Variants in UNC5D observed in about 807,000 individuals in gnomAD.
UNC5D encodes the protein unc-5 netrin receptor D, also known as netrin receptor UNC5D.
UNC5D carries 39 observed loss-of-function variants against 105.4 expected under a neutral mutation model. That is an observed-to-expected ratio of 0.37 (90% confidence interval 0.29 to 0.48). The LOEUF (loss-of-function observed/expected upper bound fraction) is 0.48. Among genes scored for constraint, UNC5D ranks in the 20% least tolerant of loss-of-function variants. UNC5D has a pLI of 0.98. For missense variants in UNC5D, 991 were observed against 1,202.4 expected (o/e 0.82, Z 2.60); for synonymous variants, 452 against 450.4 (o/e 1.00, Z -0.04).
intron 6 of UNC5D, among the ~76,000 whole-genome samples, chr8:35,685,639 G>A (rs761037119): frequency 6.6e-6 from 1 of 152,188 alleles, no homozygotes; most frequent in Admixed American, 6.5e-5. Flanking sequence ...GCCAGGTACT[G>A]TGCAGGATGC....
intron 1 of UNC5D, among the ~76,000 whole-genome samples, chr8:35,370,029 G>A (rs184246004): frequency 1.8e-4 from 28 of 151,896 alleles, no homozygotes; most frequent in Non-Finnish European, 2.8e-4. Context: ...TTTTCTTCAT[G>A]TTTCTTATAA....
intron 1 of UNC5D, among the ~76,000 whole-genome samples, chr8:35,298,590 T>C (rs1807681407): frequency 6.7e-6 from 1 of 148,726 alleles, no homozygotes; most frequent in African/African-American, 2.5e-5. Flanking sequence ...TTGTAGGTTT[T>C]TTTTTTTTTT....
chr8:35,622,235 G>A (rs1174245436), intron 4 of UNC5D, among the ~76,000 whole-genome samples: 4 of 152,074 alleles, frequency 2.6e-5, no homozygotes, highest in African/African-American at 9.7e-5. Context: ...CCAGCTACTC[G>A]AGAGGCTGAG....
At chr8:35,521,117 T>C (rs892017831) in intron 1 of UNC5D, among the ~76,000 whole-genome samples, 2 of 152,142 alleles carry the variant, frequency 1.3e-5, no homozygotes, top group Middle Eastern at 3.4e-3. Flanking sequence ...AATGAGTCTT[T>C]GGTTGTACAA....
chr8:35,259,449 G>A (rs1486014650), intron 1 of UNC5D, among the ~76,000 whole-genome samples: 3 of 152,318 alleles, frequency 2.0e-5, no homozygotes, highest in East Asian at 1.9e-4. Flanking sequence ...TAGACGCCAT[G>A]CAGATTTGAG....
chr8:35,441,728 A>G (rs964415860), intron 1 of UNC5D, among the ~76,000 whole-genome samples: 1 of 151,618 alleles, frequency 6.6e-6, no homozygotes, highest in African/African-American at 2.4e-5. Flanking sequence ...GCTATGATGT[A>G]TCATAGAGTA....
At chr8:35,728,071 T>TAAAA (rs71215643) in intron 10 of UNC5D, among the ~76,000 whole-genome samples, 9 of 41,028 alleles carry the variant, frequency 2.2e-4, no homozygotes, top group South Asian at 1.2e-3. Flanking sequence ...TTGCTGTCTC[T>TAAAA]AAAAAAAAAA....
intron 1 of UNC5D, among the ~76,000 whole-genome samples, chr8:35,455,590 T>G (rs1043797619): frequency 4.6e-5 from 7 of 151,916 alleles, no homozygotes; most frequent in African/African-American, 9.7e-5. Flanking sequence ...AAGGTAGGAA[T>G]GGATATTCTA....
At chr8:35,486,281 A>G (rs534672158) in intron 1 of UNC5D, among the ~76,000 whole-genome samples, 1 of 152,272 alleles carries the variant, frequency 6.6e-6, no homozygotes, top group East Asian at 1.9e-4. Context: ...TCCCTTTGCA[A>G]TAGTAATTCA....
chr8:35,477,380 A>T (rs932093968), intron 1 of UNC5D, among the ~76,000 whole-genome samples: 10 of 150,988 alleles, frequency 6.6e-5, no homozygotes, highest in Admixed American at 1.3e-4. Flanking sequence ...TATTCATTAC[A>T]TGTCATTTGG....
At chr8:35,503,509 C>A (rs1812102555) in intron 1 of UNC5D, among the ~76,000 whole-genome samples, 1 of 152,132 alleles carries the variant, frequency 6.6e-6, no homozygotes, top group East Asian at 1.9e-4. Context: ...ATGGGAGTTA[C>A]AATTCAAGAT....
intron 1 of UNC5D, among the ~76,000 whole-genome samples, chr8:35,322,407 A>G (rs374825382): frequency 6.6e-6 from 1 of 152,208 alleles, no homozygotes; most frequent in South Asian, 2.1e-4. Flanking sequence ...TGAAAAACAC[A>G]AAACACTTGT....
At chr8:35,681,125 A>G (rs1400291743) in intron 4 of UNC5D, among the ~76,000 whole-genome samples, 1 of 152,208 alleles carries the variant, frequency 6.6e-6, no homozygotes, top group Non-Finnish European at 1.5e-5. Context: ...AGAGGCAAGA[A>G]TAGAAGCCAC....
intron 11 of UNC5D, among the ~76,000 whole-genome samples, chr8:35,739,452 T>G (rs1829645925): frequency 6.6e-6 from 1 of 152,246 alleles, no homozygotes; most frequent in Non-Finnish European, 1.5e-5. Flanking sequence ...AGTCCACAAG[T>G]AAACACAAGT....
intron 1 of UNC5D, among the ~76,000 whole-genome samples, chr8:35,291,169 A>G (rs1015861858): frequency 6.6e-6 from 1 of 152,104 alleles, no homozygotes; most frequent in Non-Finnish European, 1.5e-5. Context: ...AACAACAACA[A>G]AAACAACAAG....
chr8:35,333,442 G>GCCT (rs1810783146), intron 1 of UNC5D, among the ~76,000 whole-genome samples: 10 of 152,080 alleles, frequency 6.6e-5, no homozygotes, highest in Non-Finnish European at 1.2e-4. Context: ...TTTCCTTAAA[G>GCCT]TGACCCCTTC....
At chr8:35,596,621 A>G (rs918828731) in intron 4 of UNC5D, among the ~76,000 whole-genome samples, 7 of 152,178 alleles carry the variant, frequency 4.6e-5, no homozygotes, top group African/African-American at 1.7e-4. Flanking sequence ...GACATGAGAC[A>G]TCAATCAACA....
At chr8:35,492,834 G>A (rs1811297604) in intron 1 of UNC5D, among the ~76,000 whole-genome samples, 1 of 152,162 alleles carries the variant, frequency 6.6e-6, no homozygotes, top group African/African-American at 2.4e-5. Context: ...ATGGGAAGGT[G>A]AGGGGCAGAA....
intron 7 of UNC5D, among the ~76,000 whole-genome samples, chr8:35,687,498 G>A (rs1826095732): frequency 6.6e-6 from 1 of 151,864 alleles, no homozygotes; most frequent in South Asian, 2.1e-4. Context: ...CTGAGGAAGT[G>A]GGTGGCTTTG....
Sources: allele counts gnomAD v4.1 joint callset (sites outside exome capture counted in the v4.1 genomes callset), GRCh38; gene constraint gnomAD v4.1.1; transcripts MANE v1.5; gene names NCBI Gene and HGNC (gene_info 2026-07-23, HGNC 2026-07-21).